Variants in RPS6KA2 observed in about 807,000 individuals in gnomAD.
RPS6KA2 encodes ribosomal protein S6 kinase alpha-2.
In RPS6KA2, 42 loss-of-function variants were observed where a neutral mutation model predicts 91.8. The ratio of observed to expected loss-of-function variants is 0.46; its 90% CI spans 0.36 to 0.59. The LOEUF (loss-of-function observed/expected upper bound fraction) is 0.59, where lower values mean the gene tolerates loss of function less well. RPS6KA2 is among the 20% of genes least tolerant of loss of function. The pLI is 0.00. For missense variants in RPS6KA2, 798 were observed against 978.5 expected (o/e 0.82, Z 2.46); for synonymous variants, 414 against 393.6 (o/e 1.05, Z -0.61).
rs1437297239 is a variant in RPS6KA2, at chr6:166,662,428, T to A, written c.124-123644A>T. ...CTCCAAATTACAGACACTTTAGATA[T>A]CTGCTTTCTTTGGGGACGTAAGAAC... On this transcript the variant is annotated intron_variant, in intron 2 of 21. Transcript: ENST00000503859. This position sits in a 1 kb window ranked among gnomAD's most constrained non-coding sequence, Gnocchi z 4.3. Among the ~76,000 whole-genome samples the A allele has an allele frequency of 3.3e-5, 5 of 152,228 alleles. No individual in the cohort carries two copies. Among genetic ancestry groups the A allele is most frequent in the Non-Finnish European group, 5.9e-5 (4 of 68,050 alleles).
intron 2 of RPS6KA2, among the ~76,000 whole-genome samples, chr6:166,650,288 C>T (rs1787811129): frequency 1.3e-5 from 2 of 152,104 alleles, no homozygotes; most frequent in African/African-American, 4.8e-5. Flanking sequence ...TTCATCACCA[C>T]ATTCTTATTC....
intron 2 of RPS6KA2, among the ~76,000 whole-genome samples, chr6:166,824,939 G>A (rs374077594): frequency 1.3e-5 from 2 of 152,318 alleles, no homozygotes; most frequent in African/African-American, 4.8e-5. Flanking sequence ...ATCACATCAG[G>A]ACAGTTGCAG....
chr6:166,773,798 T>C (rs993416556), intron 2 of RPS6KA2, among the ~76,000 whole-genome samples: 3 of 152,186 alleles, frequency 2.0e-5, no homozygotes, highest in Non-Finnish European at 4.4e-5. Context: ...ATTATCATCA[T>C]GGCTAGCTCC....
At chr6:166,491,868 A>G (rs1781597983) in intron 8 of RPS6KA2, among the ~76,000 whole-genome samples, 1 of 152,240 alleles carries the variant, frequency 6.6e-6, no homozygotes, top group Non-Finnish European at 1.5e-5. Flanking sequence ...AAGGTTTTGT[A>G]TACTAACTTT....
intron 2 of RPS6KA2, among the ~76,000 whole-genome samples, chr6:166,824,701 CTGTG>C (rs372922737): frequency 1.6e-3 from 173 of 111,146 alleles, no homozygotes; most frequent in Non-Finnish European, 1.8e-3. Context: ...GTGTCTGTGT[CTGTG>C]TGTGTGTGTC....
At chr6:166,641,625 CAGG>C (rs1364537197) in intron 2 of RPS6KA2, among the ~76,000 whole-genome samples, 1 of 143,956 alleles carries the variant, frequency 6.9e-6, no homozygotes, top group Non-Finnish European at 1.5e-5. Context: ...CGGACTGAGG[CAGG>C]AGAATAGTTT....
At chr6:166,768,156 G>A in intron 2 of RPS6KA2, among the ~76,000 whole-genome samples, 1 of 152,190 alleles carries the variant, frequency 6.6e-6, no homozygotes, top group East Asian at 1.9e-4. Flanking sequence ...AGAAAGAGGA[G>A]GAAACCCAGA....
At chr6:166,759,499 T>C (rs1028039664) in intron 2 of RPS6KA2, among the ~76,000 whole-genome samples, 2 of 152,222 alleles carry the variant, frequency 1.3e-5, no homozygotes, top group African/African-American at 4.8e-5. Flanking sequence ...GGGAGATTAA[T>C]AGAAAATAAG....
At position 166,419,738 on chromosome 6, in the gene RPS6KA2, C is replaced by T. The variant is rs894678086; in HGVS notation, c.1820+144G>A. ...CTAAGAAAGTCTGCGAGTGTTCACT[C>T]AAGGCCTGGGAGTGTTTGCATACAC... is the stretch of plus-strand genomic sequence containing the variant. On this transcript the variant is annotated intron_variant, in intron 18 of 20. Coordinates refer to ENST00000265678, the MANE Select transcript of RPS6KA2 (RefSeq NM_021135.6). The surrounding 1 kb of genome is among the most constrained non-coding windows in gnomAD (Gnocchi z 5.6). 3.1e-5 allele frequency: 20 copies of T among 644,436 alleles called. No individual in the cohort carries two copies. Among genetic ancestry groups the T allele is most frequent in the Non-Finnish European group, 4.7e-5 (17 of 358,994 alleles). The allele number at this position is 644,436 out of a possible 1,614,324, so 39.9% of individuals were successfully genotyped here.
chr6:166,436,973 C>T (rs1369906415), intron 14 of RPS6KA2, among the ~76,000 whole-genome samples: 1 of 152,218 alleles, frequency 6.6e-6, no homozygotes, highest in Non-Finnish European at 1.5e-5. Context: ...CGTTTCCGTC[C>T]CGGATGCTGT....
At chr6:166,706,626 C>A (rs189393599) in intron 2 of RPS6KA2, among the ~76,000 whole-genome samples, 35 of 152,154 alleles carry the variant, frequency 2.3e-4, no homozygotes, top group Non-Finnish European at 4.4e-5. Context: ...GCCTGGAGAC[C>A]CCAGACCCCC....
chr6:166,513,925 C>T (rs1198599481), intron 3 of RPS6KA2, among the ~76,000 whole-genome samples: 3 of 152,208 alleles, frequency 2.0e-5, no homozygotes, highest in African/African-American at 4.8e-5. Flanking sequence ...CAAACATTTT[C>T]AGAAGGCTCT....
chr6:166,616,913 G>A (rs939311542), intron 1 of RPS6KA2, among the ~76,000 whole-genome samples: 3 of 152,150 alleles, frequency 2.0e-5, no homozygotes, highest in Non-Finnish European at 2.9e-5. Context: ...TCTAAGGTGC[G>A]CCAAGGCCCC....
At chr6:166,658,460 T>C (rs9348164) in intron 2 of RPS6KA2, among the ~76,000 whole-genome samples, 47,618 of 152,062 alleles carry the variant, frequency 0.31, 7,650 homozygotes, top group East Asian at 0.42. Flanking sequence ...GTTTCATGGA[T>C]ACTTCACTTT....
intron 1 of RPS6KA2, among the ~76,000 whole-genome samples, chr6:166,608,958 T>C (rs1786056853): frequency 6.6e-6 from 1 of 152,206 alleles, no homozygotes; most frequent in Admixed American, 6.5e-5. Context: ...GGATTTACTC[T>C]GAAGGGCACT....
At chr6:166,454,324 C>T (rs1372673661) in intron 12 of RPS6KA2, among the ~76,000 whole-genome samples, 2 of 152,086 alleles carry the variant, frequency 1.3e-5, no homozygotes, top group Non-Finnish European at 2.9e-5. Flanking sequence ...ATGGTGAAGC[C>T]CTGTCTCTAT....
Position 166,510,260 on chromosome 6 carries a change from A to G in RPS6KA2, c.379+17T>C, listed in dbSNP as rs752426461. Reference sequence around the variant, plus strand: ...TGCCCTGGGTCCTCTTTAAAGTGTCATTTTGACTCTACTTACCATAATGAA... The same window carrying G: ...TGCCCTGGGTCCTCTTTAAAGTGTCGTTTTGACTCTACTTACCATAATGAA... On this transcript the variant is annotated intron_variant, in intron 4 of 20. Coordinates refer to ENST00000265678, the MANE Select transcript of RPS6KA2 (RefSeq NM_021135.6). 4.5e-6 allele frequency: 7 copies of G among 1,539,594 alleles called. No homozygotes were observed. The African/African-American group carries it at 5.5e-5, about 12-fold the overall frequency.
chr6:166,663,268 A>G (rs1002626047), intron 2 of RPS6KA2, among the ~76,000 whole-genome samples: 6 of 152,216 alleles, frequency 3.9e-5, no homozygotes, highest in Non-Finnish European at 5.9e-5. Flanking sequence ...ATCTTCACTC[A>G]GGTCAGCTTT....
At chr6:166,744,601 G>A (rs1309473100) in intron 2 of RPS6KA2, among the ~76,000 whole-genome samples, 1 of 152,158 alleles carries the variant, frequency 6.6e-6, no homozygotes, top group African/African-American at 2.4e-5. Context: ...GTGCAGCAGG[G>A]CCCACCCTGT....
Sources: gnomAD v4.1 joint callset for allele counts (sites outside exome capture counted in the v4.1 genomes callset) on GRCh38, gnomAD v4.1.1 for gene constraint, Gnocchi (gnomAD v3.1) non-coding constraint, MANE v1.5 for transcripts, NCBI Gene and HGNC (gene_info 2026-07-23, HGNC 2026-07-21) for gene names.